Variants in FYB2 observed in about 807,000 individuals in gnomAD.
FYB2 encodes the protein FYN binding protein 2.
In FYB2, 103 loss-of-function variants were observed where a neutral mutation model predicts 94.1. The ratio of observed to expected loss-of-function variants is 1.09; its 90% CI spans 0.93 to 1.29. The LOEUF (loss-of-function observed/expected upper bound fraction) is 1.29, where lower values mean the gene tolerates loss of function less well. Ranked by LOEUF, FYB2 falls within the 50% of genes most tolerant of loss-of-function variation. The pLI, the probability that FYB2 is intolerant of heterozygous loss-of-function variation, is 0.00. For missense variants in FYB2, 896 were observed against 841.5 expected, an observed-to-expected ratio of 1.06 and a Z score of -0.80; for synonymous variants, 293 against 287.9, an observed-to-expected ratio of 1.02 and a Z score of -0.18.
chr1:56,746,981 C>T (rs1052932302), intron 9 of FYB2, among the ~76,000 whole-genome samples: 1 of 151,790 alleles, frequency 6.6e-6, no homozygotes, highest in African/African-American at 2.4e-5. Flanking sequence ...TTATTGTAGC[C>T]AATTTGGTAG....
intron 1 of FYB2, among the ~76,000 whole-genome samples, chr1:56,818,935 G>C (rs1218841073): frequency 6.6e-6 from 1 of 152,150 alleles, no homozygotes; most frequent in Non-Finnish European, 1.5e-5. Flanking sequence ...AGTCCACAAG[G>C]GCAAGTAAAC....
intron 9 of FYB2, among the ~76,000 whole-genome samples, chr1:56,748,273 G>T (rs1455118812): frequency 1.3e-5 from 2 of 152,130 alleles, no homozygotes; most frequent in East Asian, 3.9e-4. Context: ...GGTCAATTTT[G>T]GCTGTTGTTG....
At chr1:56,796,004 A>G (rs1018148589) in intron 1 of FYB2, among the ~76,000 whole-genome samples, 4 of 152,342 alleles carry the variant, frequency 2.6e-5, no homozygotes, top group Admixed American at 6.5e-5. Flanking sequence ...AACGAGAGAC[A>G]GAAAATAAGC....
At chr1:56,787,109 C>A in intron 4 of FYB2, 66 bp downstream of exon 4, 1 of 1,558,046 alleles carries the variant, frequency 6.4e-7, no homozygotes, top group Non-Finnish European at 8.9e-7. Flanking sequence ...ATTGCCTGCT[C>A]TGGAGCAGTC....
chr1:56,804,764 T>C (rs1646602089), intron 1 of FYB2, among the ~76,000 whole-genome samples: 1 of 151,794 alleles, frequency 6.6e-6, no homozygotes, highest in Non-Finnish European at 1.5e-5. Context: ...AATAAATAAA[T>C]AAAGTGCAGG....
At chr1:56,777,239 C>CAAAAAA (rs1453236717) in intron 4 of FYB2, among the ~76,000 whole-genome samples, 271 of 4,824 alleles carry the variant, frequency 0.056, 57 homozygotes, top group African/African-American at 0.063. Flanking sequence ...GTCTCAAAAA[C>CAAAAAA]AAAAAAAAAA....
At chr1:56,814,194 G>A (rs1168065537) in intron 1 of FYB2, among the ~76,000 whole-genome samples, 1 of 152,228 alleles carries the variant, frequency 6.6e-6, no homozygotes, top group African/African-American at 2.4e-5. Context: ...GGAACATGAG[G>A]GATGTGGTGC....
chr1:56,745,809 C>T (rs1392237300), intron 9 of FYB2, among the ~76,000 whole-genome samples: 1 of 151,906 alleles, frequency 6.6e-6, no homozygotes, highest in Non-Finnish European at 1.5e-5. Context: ...ACAGAAGTCC[C>T]TTGTTATTTC....
chr1:56,799,931 T>C (rs537991654), intron 1 of FYB2, among the ~76,000 whole-genome samples: 1 of 152,298 alleles, frequency 6.6e-6, no homozygotes, highest in South Asian at 2.1e-4. Flanking sequence ...TAAAAATATA[T>C]ATAAAGTAAG....
At chr1:56,776,822 C>T (rs910380901) in intron 4 of FYB2, among the ~76,000 whole-genome samples, 1 of 152,130 alleles carries the variant, frequency 6.6e-6, no homozygotes, top group Non-Finnish European at 1.5e-5. Context: ...CAAATCTCTG[C>T]CATTTATTAA....
At chr1:56,810,395 CT>C in intron 1 of FYB2, among the ~76,000 whole-genome samples, 1 of 143,150 alleles carries the variant, frequency 7.0e-6, no homozygotes, top group East Asian at 2.6e-4. Flanking sequence ...CTTCCCCTCA[CT>C]CCCCTGTTTC....
rs1645186081 is a variant in FYB2 at position 56,751,060 on chromosome 1, C to T, written c.1371G>A (p.Arg457=). The stretch of plus-strand genomic sequence containing the variant: ...GCAACTTACAGTGGCCTTGGGAGTG[C>T]CTGGCCAGCTTTGGGCCCTCAGGGC... ...NPCPEGPKLA[R]HSQGHCGHLE... The change falls in exon 9 of 20, where the codon AGG becomes AGA. Residue 457 remains arginine (R), a synonymous_variant. Transcript: ENST00000343433. 6.2e-7 allele frequency: 1 copy of T among 1,612,314 alleles called. No homozygotes were observed. The highest frequency in any genetic ancestry group is 8.5e-7 in the Non-Finnish European group (1 of 1,179,032).
At chr1:56,793,349 C>T (rs1030703683) in intron 1 of FYB2, among the ~76,000 whole-genome samples, 1 of 152,262 alleles carries the variant, frequency 6.6e-6, no homozygotes, top group East Asian at 1.9e-4. Context: ...AAAATGCATC[C>T]CCATCAGCTT....
intron 8 of FYB2, among the ~76,000 whole-genome samples, chr1:56,753,274 A>T (rs1013868039): frequency 1.3e-5 from 2 of 152,080 alleles, no homozygotes; most frequent in African/African-American, 4.8e-5. Context: ...TTGGATATGG[A>T]TATACACACA....
chr1:56,788,943 C>T, intron 3 of FYB2, 30 bp downstream of exon 3: 1 of 1,613,754 alleles, frequency 6.2e-7, no homozygotes, highest in Non-Finnish European at 8.5e-7. Flanking sequence ...TCCTGGTTGG[C>T]CTTGTGTAGG....
chr1:56,739,017 G>A (rs145600455), intron 13 of FYB2, among the ~76,000 whole-genome samples: 1 of 152,028 alleles, frequency 6.6e-6, no homozygotes, highest in African/African-American at 2.4e-5. Flanking sequence ...AAGCATGGAG[G>A]CATGAGACAC....
chr1:56,792,164 T>C lies in FYB2; in HGVS notation c.649A>G (p.Ile217Val). The change falls in exon 2 of 20, where the codon ATT becomes GTT. Residue 217 changes from isoleucine (I) to valine (V), a missense_variant. Transcript: ENST00000343433. ...CAGCTTTTTCTGATATGTTGAGAAA[T>C]TACAAAAGAGGGATCTTCAGAGACG... is the stretch of plus-strand genomic sequence containing the variant. ...HNVSEDPSFV[I>V]SQHIRKSWEN... 6.2e-7 allele frequency: 1 copy of C among 1,613,962 alleles called. No homozygotes were observed. The highest frequency in any genetic ancestry group is 1.1e-5 in the South Asian group (1 of 91,028).
At chr1:56,775,461 A>T (rs1332652198) in intron 4 of FYB2, among the ~76,000 whole-genome samples, 1 of 152,196 alleles carries the variant, frequency 6.6e-6, no homozygotes, top group East Asian at 1.9e-4. Flanking sequence ...ATGGGAAGGC[A>T]TGTAAATCAT....
At chr1:56,792,908 AG>A in intron 1 of FYB2, 105 bp from the exon 2 acceptor site, 21 of 1,176,628 alleles carry the variant, frequency 1.8e-5, no homozygotes, top group Non-Finnish European at 2.3e-5. Context: ...CAGTGTGATT[AG>A]ATCTCACTGA....
Sources: allele counts gnomAD v4.1 joint callset (sites outside exome capture counted in the v4.1 genomes callset), GRCh38; gene constraint gnomAD v4.1.1; transcripts MANE v1.5; gene names NCBI Gene and HGNC (gene_info 2026-07-23, HGNC 2026-07-21).